CLIP1: variants seen among roughly 807,000 people sequenced by gnomAD.
CLIP1 encodes the protein CAP-Gly domain-containing linker protein 1.
A neutral mutation model predicts 161.6 loss-of-function variants in CLIP1; 66 were observed. That is an observed-to-expected ratio of 0.41 (90% CI 0.33 to 0.50). The LOEUF is 0.50. Ranked by LOEUF, CLIP1 falls within the 20% of genes least tolerant of loss-of-function variation. CLIP1 has a pLI of 0.27. For synonymous variants in CLIP1, 598 were observed against 626.2 expected, an observed-to-expected ratio of 0.96 and a Z score of 0.67; for missense variants, 1,376 against 1,702.0, an observed-to-expected ratio of 0.81 and a Z score of 3.37.
intron 17 of CLIP1, among the ~76,000 whole-genome samples, chr12:122,320,447 AAATT>A (rs986898402): frequency 5.3e-5 from 8 of 151,366 alleles, no homozygotes; most frequent in African/African-American, 1.7e-4. Context: ...CTAAAAAAAT[AAATT>A]AATTAACAGG....
intron 1 of CLIP1, among the ~76,000 whole-genome samples, chr12:122,397,247 T>C (rs1955947684): frequency 6.6e-6 from 1 of 151,944 alleles, no homozygotes; most frequent in Non-Finnish European, 1.5e-5. Flanking sequence ...GCCCTTCTGA[T>C]GGCTTGATGG....
At chr12:122,418,982 C>G (rs1266880882) in intron 1 of CLIP1, among the ~76,000 whole-genome samples, 2 of 152,140 alleles carry the variant, frequency 1.3e-5, no homozygotes, top group Admixed American at 6.6e-5. Flanking sequence ...ATATTAAACC[C>G]TCTCCCTGTG....
chr12:122,393,764 T>C (rs1486733000), intron 1 of CLIP1, among the ~76,000 whole-genome samples: 2 of 151,520 alleles, frequency 1.3e-5, no homozygotes, highest in Non-Finnish European at 2.9e-5. Context: ...CTACAAAAAT[T>C]AGCCGGGTGT....
At chr12:122,390,280 A>ATATATATATATATATATATATATG (rs1412257701) in intron 1 of CLIP1, among the ~76,000 whole-genome samples, 2 of 25,812 alleles carry the variant, frequency 7.7e-5, no homozygotes, top group Non-Finnish European at 2.1e-4. Context: ...ATATATATAC[A>ATATATATATATATATATATATATG]TATATATATA....
At chr12:122,309,963 T>G in intron 19 of CLIP1, 81 bp from the exon 20 acceptor site, 2 of 1,514,730 alleles carry the variant, frequency 1.3e-6, no homozygotes, top group South Asian at 2.3e-5. Context: ...TTCACAGCAC[T>G]GAAGAAAATA....
intron 3 of CLIP1, among the ~76,000 whole-genome samples, chr12:122,374,249 A>C (rs1374108878): frequency 6.6e-6 from 1 of 150,998 alleles, no homozygotes; most frequent in Non-Finnish European, 1.5e-5. Context: ...AGGCAGGCAG[A>C]TCACAAGGTC....
chr12:122,363,916 G>A (rs1156667670), intron 4 of CLIP1, 67 bp downstream of exon 4: 2 of 1,603,448 alleles, frequency 1.2e-6, no homozygotes, highest in Admixed American at 1.7e-5. Context: ...ATACACGCTT[G>A]GTGAGACTGG....
intron 1 of CLIP1, among the ~76,000 whole-genome samples, chr12:122,404,394 C>A (rs781117620): frequency 6.6e-6 from 1 of 150,838 alleles, no homozygotes; most frequent in South Asian, 2.1e-4. Context: ...GCTAGGAGTT[C>A]GAGACCTTCG....
chr12:122,283,508 G>A (rs183689189), intron 21 of CLIP1, among the ~76,000 whole-genome samples: 1 of 150,362 alleles, frequency 6.7e-6, no homozygotes, highest in African/African-American at 2.4e-5. Flanking sequence ...GCCCAGGCTG[G>A]AGTGCAGTGG....
chr12:122,379,098 C>T (rs1954881026), intron 2 of CLIP1, among the ~76,000 whole-genome samples: 1 of 151,734 alleles, frequency 6.6e-6, no homozygotes, highest in Admixed American at 6.6e-5. Context: ...GCACTCTTGC[C>T]TGGGCAACAA....
rs1050823997 is a variant in CLIP1, at chr12:122,354,321, G to A, written c.1307+132C>T. 2.1e-5 allele frequency: 12 copies of A among 564,862 alleles called. No individual in the cohort carries two copies. The Admixed American group carries it at 2.6e-4, about 12-fold the overall frequency. 35.0% of individuals were successfully genotyped at this position (564,862 alleles called of 1,614,324 possible). On this transcript the variant is annotated intron_variant, in intron 7 of 25. Transcript: ENST00000620786. Reference sequence around the variant, plus strand: ...GAGGCAGGAGAATTGCTTGAACCTGGGAGGCAGAGGTTGTAGTGAGCTGAG... The same window carrying A: ...GAGGCAGGAGAATTGCTTGAACCTGAGAGGCAGAGGTTGTAGTGAGCTGAG...
At chr12:122,301,618 G>A (rs534258875) in intron 20 of CLIP1, among the ~76,000 whole-genome samples, 1 of 152,306 alleles carries the variant, frequency 6.6e-6, no homozygotes, top group East Asian at 1.9e-4. Flanking sequence ...AGGTTGCAGT[G>A]AGCCGAGACT....
chr12:122,390,292 A>ATATATG (rs1555280679), intron 1 of CLIP1, among the ~76,000 whole-genome samples: 10 of 132,832 alleles, frequency 7.5e-5, no homozygotes, highest in South Asian at 4.8e-4. Context: ...ATATATATAT[A>ATATATG]TATATATATA....
At chr12:122,286,127 C>T (rs1022379582) in intron 21 of CLIP1, among the ~76,000 whole-genome samples, 1 of 152,282 alleles carries the variant, frequency 6.6e-6, no homozygotes, top group Admixed American at 6.5e-5. Flanking sequence ...TCTGCAGCAA[C>T]TGCTGGATAG....
At chr12:122,352,018 G>A (rs1180631473) in intron 8 of CLIP1, among the ~76,000 whole-genome samples, 3 of 149,934 alleles carry the variant, frequency 2.0e-5, no homozygotes, top group African/African-American at 7.3e-5. Flanking sequence ...TGCTCAACTG[G>A]AAAGCAAAGC....
intron 5 of CLIP1, chr12:122,360,683 T>G (rs1217160469): frequency 9.2e-6 from 3 of 324,574 alleles, no homozygotes; most frequent in African/African-American, 6.4e-5. Context: ...TGTGTTAGAC[T>G]AGGCAGTAGT....
intron 20 of CLIP1, among the ~76,000 whole-genome samples, chr12:122,302,103 A>T (rs1432913261): frequency 6.6e-6 from 1 of 151,492 alleles, no homozygotes; most frequent in Non-Finnish European, 1.5e-5. Context: ...ATTATTTTTT[A>T]TTATTATTAT....
At chr12:122,332,553 C>T (rs1016038810) in intron 15 of CLIP1, among the ~76,000 whole-genome samples, 1 of 151,994 alleles carries the variant, frequency 6.6e-6, no homozygotes, top group African/African-American at 2.4e-5. Context: ...TCCCCAGTAG[C>T]TGGGATTACA....
At chr12:122,387,616 T>TTTTTTTA (rs1955384626) in intron 1 of CLIP1, among the ~76,000 whole-genome samples, 1 of 100,968 alleles carries the variant, frequency 9.9e-6, no homozygotes, top group African/African-American at 3.6e-5. Context: ...TTTTTTTTTT[T>TTTTTTTA]AGAAACAAGG....
Sources: gnomAD v4.1 joint callset for allele counts (sites outside exome capture counted in the v4.1 genomes callset) on GRCh38, gnomAD v4.1.1 for gene constraint, MANE v1.5 for transcripts, NCBI Gene and HGNC (gene_info 2026-07-23, HGNC 2026-07-21) for gene names.